C8orf34: variants seen among roughly 807,000 people sequenced by gnomAD.
C8orf34 encodes the protein uncharacterized protein C8orf34.
In C8orf34, 65 loss-of-function variants were observed where a neutral mutation model predicts 68.3. The ratio of observed to expected loss-of-function variants is 0.95; its 90% CI spans 0.78 to 1.17. C8orf34 has a LOEUF of 1.17. Ranked by LOEUF, C8orf34 falls within the 50% of genes most tolerant of loss-of-function variation. The pLI is 0.00. For synonymous variants in C8orf34, 244 were observed against 241.2 expected (o/e 1.01, Z -0.11); for missense variants, 664 against 655.4 (o/e 1.01, Z -0.14).
chr8:68,545,687 A>G (rs891209597), intron 7 of C8orf34, among the ~76,000 whole-genome samples: 2 of 152,166 alleles, frequency 1.3e-5, no homozygotes, highest in Non-Finnish European at 1.5e-5. Context: ...AAAAGCTGAG[A>G]GAACATGTTA....
At chr8:68,430,876 T>C (rs946975822) in intron 1 of C8orf34, among the ~76,000 whole-genome samples, 1 of 151,846 alleles carries the variant, frequency 6.6e-6, no homozygotes, top group Non-Finnish European at 1.5e-5. Context: ...TCTCTAAACA[T>C]TTTTTTTCCT....
chr8:68,752,610 G>T (rs1315092341), intron 10 of C8orf34, among the ~76,000 whole-genome samples: 1 of 152,154 alleles, frequency 6.6e-6, no homozygotes, highest in African/African-American at 2.4e-5. Flanking sequence ...AGGAAATATA[G>T]AAAATGATGC....
intron 1 of C8orf34, among the ~76,000 whole-genome samples, chr8:68,343,385 T>C (rs531230632): frequency 8.6e-4 from 131 of 152,260 alleles, no homozygotes; most frequent in African/African-American, 2.9e-3. Flanking sequence ...CCAATCACTC[T>C]GGAAAACACT....
intron 1 of C8orf34, among the ~76,000 whole-genome samples, chr8:68,387,066 A>G (rs1017736509): frequency 2.0e-5 from 3 of 151,836 alleles, no homozygotes; most frequent in African/African-American, 7.3e-5. Flanking sequence ...CATGATGGAG[A>G]CCCACATGCA....
chr8:68,458,073 T>C (rs1035749120), intron 3 of C8orf34, among the ~76,000 whole-genome samples: 20 of 152,154 alleles, frequency 1.3e-4, no homozygotes, highest in African/African-American at 4.8e-4. Context: ...TACCATGGCT[T>C]TGATTGTCCT....
At chr8:68,525,868 G>A (rs1035475952) in intron 6 of C8orf34, 5 of 301,506 alleles carry the variant, frequency 1.7e-5, no homozygotes, top group South Asian at 1.6e-4. Context: ...CATTGTGGAT[G>A]TTCCTGAGAA....
chr8:68,756,757 T>C (rs1201432583), intron 10 of C8orf34, among the ~76,000 whole-genome samples: 1 of 152,148 alleles, frequency 6.6e-6, no homozygotes, highest in Non-Finnish European at 1.5e-5. Flanking sequence ...CACGAAAACA[T>C]GCCAAAAACT....
At chr8:68,776,222 T>C (rs1823512779) in intron 10 of C8orf34, among the ~76,000 whole-genome samples, 177 bp from the exon 11 acceptor site, 1 of 152,232 alleles carries the variant, frequency 6.6e-6, no homozygotes, top group Non-Finnish European at 1.5e-5. Flanking sequence ...AAAAACTCTT[T>C]TCTTTTTTTT....
At chr8:68,685,614 G>C (rs1382117627) in intron 8 of C8orf34, among the ~76,000 whole-genome samples, 1 of 152,028 alleles carries the variant, frequency 6.6e-6, no homozygotes, top group Non-Finnish European at 1.5e-5. Flanking sequence ...TCAGCACTTT[G>C]GGAGGCCAAG....
At chr8:68,804,035 AT>A (rs1824411698) in intron 12 of C8orf34, among the ~76,000 whole-genome samples, 1 of 152,206 alleles carries the variant, frequency 6.6e-6, no homozygotes. Context: ...TTAAAAAAAA[AT>A]CATCAGTAAC....
At chr8:68,759,196 G>A (rs936624719) in intron 10 of C8orf34, among the ~76,000 whole-genome samples, 1 of 151,846 alleles carries the variant, frequency 6.6e-6, no homozygotes, top group Non-Finnish European at 1.5e-5. Context: ...CCATTATATA[G>A]ACATTCATTT....
chr8:68,755,092 T>C (rs1040445230), intron 10 of C8orf34, among the ~76,000 whole-genome samples: 3 of 152,228 alleles, frequency 2.0e-5, no homozygotes, highest in African/African-American at 7.2e-5. Flanking sequence ...CCTATGTCAT[T>C]ATAAATATTC....
intron 1 of C8orf34, among the ~76,000 whole-genome samples, chr8:68,397,560 T>C (rs1808769574): frequency 6.6e-6 from 1 of 152,206 alleles, no homozygotes; most frequent in Non-Finnish European, 1.5e-5. Flanking sequence ...GTATATGGTA[T>C]AATAATTTAT....
In C8orf34 at chr8:68,371,187, A is replaced by G. The variant is rs962102984; in HGVS notation, c.327+39848A>G. Among the ~76,000 whole-genome samples, 7 of 152,338 alleles carry G rather than the reference A, an allele frequency of 4.6e-5. No individual in the cohort carries two copies. The East Asian group carries it at 7.7e-4, about 17-fold the overall frequency. ...ACTTCCATTTAGCTGTCCTCATTCAAATAACAGGTTCCCATTCTTTCTCAC... is the reference window on the plus strand; with the variant it reads ...ACTTCCATTTAGCTGTCCTCATTCAGATAACAGGTTCCCATTCTTTCTCAC... On this transcript the variant is annotated intron_variant, in intron 1 of 13. Transcript: ENST00000518698.
intron 7 of C8orf34, among the ~76,000 whole-genome samples, chr8:68,607,810 G>A (rs1023153745): frequency 6.6e-6 from 1 of 152,098 alleles, no homozygotes; most frequent in African/African-American, 2.4e-5. Context: ...AATGATTAAT[G>A]TCATTTAGAA....
At chr8:68,537,477 A>AG in intron 7 of C8orf34, among the ~76,000 whole-genome samples, 1 of 151,396 alleles carries the variant, frequency 6.6e-6, no homozygotes, top group South Asian at 2.1e-4. Flanking sequence ...TTTTTTTTTA[A>AG]AGAGATCAAG....
chr8:68,795,085 T>A (rs1366941491), intron 12 of C8orf34, among the ~76,000 whole-genome samples: 1 of 152,334 alleles, frequency 6.6e-6, no homozygotes, highest in Non-Finnish European at 1.5e-5. Context: ...ACTGTTAAAA[T>A]CTGCTGTTGA....
chr8:68,417,391 T>A (rs1446327443), intron 1 of C8orf34, among the ~76,000 whole-genome samples: 1 of 151,984 alleles, frequency 6.6e-6, no homozygotes, highest in Non-Finnish European at 1.5e-5. Flanking sequence ...AGACACTAAT[T>A]TTAGTGTCTA....
At chr8:68,371,448 G>A (rs1479722724) in intron 1 of C8orf34, among the ~76,000 whole-genome samples, 1 of 151,474 alleles carries the variant, frequency 6.6e-6, no homozygotes, top group Admixed American at 6.6e-5. Flanking sequence ...CATCTTATAA[G>A]AAACAAAAGA....
Sources: allele counts gnomAD v4.1 joint callset (sites outside exome capture counted in the v4.1 genomes callset), GRCh38; gene constraint gnomAD v4.1.1; transcripts MANE v1.5; gene names NCBI Gene and HGNC (gene_info 2026-07-23, HGNC 2026-07-21).